The following ST6GALNAC3 variants were observed in gnomAD, a reference collection of about 807,000 sequenced individuals.
ST6GALNAC3 encodes alpha-N-acetylgalactosaminide alpha-2,6-sialyltransferase 3.
A neutral mutation model predicts 32.7 loss-of-function variants in ST6GALNAC3; 25 were observed. The ratio of observed to expected loss-of-function variants is 0.76; its 90% confidence interval spans 0.56 to 1.07. The LOEUF is 1.07. Among genes scored for constraint, ST6GALNAC3 ranks in the 50% least tolerant of loss-of-function variants. ST6GALNAC3 has a pLI of 0.00. For missense variants in ST6GALNAC3, 355 were observed against 382.4 expected (o/e 0.93, Z 0.60); for synonymous variants, 129 against 133.1 (o/e 0.97, Z 0.21).
chr1:76,154,063 A>C (rs1450890398), intron 1 of ST6GALNAC3, among the ~76,000 whole-genome samples: 1 of 152,192 alleles, frequency 6.6e-6, no homozygotes, highest in Non-Finnish European at 1.5e-5. Context: ...AACACTGATC[A>C]GGAGAGACAT....
intron 1 of ST6GALNAC3, among the ~76,000 whole-genome samples, chr1:76,156,821 T>C (rs1651465039): frequency 6.6e-6 from 1 of 152,180 alleles, no homozygotes; most frequent in Non-Finnish European, 1.5e-5. Context: ...AAGCTCCGCC[T>C]CCCGGGTTCA....
chr1:76,415,171 CTTTTTTTTTT>C (rs71072000), intron 3 of ST6GALNAC3, among the ~76,000 whole-genome samples: 1 of 70,462 alleles, frequency 1.4e-5, no homozygotes, highest in Non-Finnish European at 2.6e-5. Flanking sequence ...GGATTCATGT[CTTTTTTTTTT>C]TTTTTTTTTT....
At chr1:76,559,566 T>C (rs1413157658) in intron 3 of ST6GALNAC3, among the ~76,000 whole-genome samples, 1 of 152,150 alleles carries the variant, frequency 6.6e-6, no homozygotes, top group Non-Finnish European at 1.5e-5. Flanking sequence ...AAGGGTACCA[T>C]CAAGAAAATG....
intron 1 of ST6GALNAC3, among the ~76,000 whole-genome samples, chr1:76,180,877 G>A (rs12139114): frequency 0.2 from 29,891 of 152,102 alleles, 3,059 homozygotes; most frequent in African/African-American, 0.22. Context: ...GTGTGACCCG[G>A]TTCTTCCAGG....
chr1:76,412,822 C>T (rs1264753253), intron 3 of ST6GALNAC3, among the ~76,000 whole-genome samples: 1 of 152,018 alleles, frequency 6.6e-6, no homozygotes, highest in African/African-American at 2.4e-5. Flanking sequence ...CAAAATTTTA[C>T]CTGAGACCAC....
At chr1:76,345,081 C>T (rs1648385212) in intron 2 of ST6GALNAC3, among the ~76,000 whole-genome samples, 1 of 152,130 alleles carries the variant, frequency 6.6e-6, no homozygotes, top group Admixed American at 6.5e-5. Context: ...TGTTGATCCC[C>T]TAGCTGATTG....
chr1:76,321,464 T>C (rs536890108), intron 2 of ST6GALNAC3, among the ~76,000 whole-genome samples: 158 of 152,344 alleles, frequency 1.0e-3, no homozygotes, highest in Admixed American at 2.3e-3. Context: ...TTACTTTTGC[T>C]GGTTTGAACT....
intron 1 of ST6GALNAC3, among the ~76,000 whole-genome samples, chr1:76,215,995 A>G (rs761781599): frequency 2.6e-5 from 4 of 152,148 alleles, no homozygotes; most frequent in Non-Finnish European, 5.9e-5. Context: ...GGCAGATTCA[A>G]CTTCCAGAAG....
At chr1:76,273,452 G>A (rs553742977) in intron 1 of ST6GALNAC3, among the ~76,000 whole-genome samples, 43 of 152,136 alleles carry the variant, frequency 2.8e-4, no homozygotes, top group Non-Finnish European at 4.4e-4. Flanking sequence ...AAATCCCATG[G>A]CATCAAATAG....
intron 2 of ST6GALNAC3, among the ~76,000 whole-genome samples, chr1:76,399,441 G>A (rs537437390): frequency 6.6e-6 from 1 of 152,246 alleles, no homozygotes; most frequent in Non-Finnish European, 1.5e-5. Flanking sequence ...CCAGTACTCT[G>A]TTTGGCACTT....
intron 3 of ST6GALNAC3, among the ~76,000 whole-genome samples, chr1:76,621,805 G>A (rs1648668446): frequency 6.6e-6 from 1 of 151,992 alleles, no homozygotes; most frequent in Non-Finnish European, 1.5e-5. Flanking sequence ...TATTCTGTCA[G>A]GTATTTCTTC....
intron 1 of ST6GALNAC3, among the ~76,000 whole-genome samples, chr1:76,208,041 G>GC (rs5775330): frequency 0.36 from 19,279 of 53,754 alleles, 1,550 homozygotes; most frequent in South Asian, 0.48. Context: ...ACTCAAGAGT[G>GC]CCCCCCCCCC....
At chr1:76,621,818 C>T (rs191099925) in intron 3 of ST6GALNAC3, among the ~76,000 whole-genome samples, 3 of 152,088 alleles carry the variant, frequency 2.0e-5, no homozygotes, top group Admixed American at 1.3e-4. Context: ...ATTTCTTCTC[C>T]GTAGGAAGGT....
chr1:76,248,008 G>A (rs528920669), intron 1 of ST6GALNAC3, among the ~76,000 whole-genome samples: 2 of 152,098 alleles, frequency 1.3e-5, no homozygotes, highest in Admixed American at 6.5e-5. Flanking sequence ...TGGGAAAAGC[G>A]TAGTACCCAG....
At chr1:76,479,701 C>G (rs974643787) in intron 3 of ST6GALNAC3, among the ~76,000 whole-genome samples, 18 of 152,066 alleles carry the variant, frequency 1.2e-4, no homozygotes, top group African/African-American at 4.3e-4. Flanking sequence ...TTGTACTGCC[C>G]CTTAAAGGTC....
intron 3 of ST6GALNAC3, among the ~76,000 whole-genome samples, chr1:76,596,371 A>C (rs1647137312): frequency 6.6e-6 from 1 of 152,186 alleles, no homozygotes; most frequent in Non-Finnish European, 1.5e-5. Context: ...AAATAGCCTC[A>C]GCTTTTAACA....
chr1:76,110,662 A>C (rs908761783), intron 1 of ST6GALNAC3, among the ~76,000 whole-genome samples: 10 of 152,232 alleles, frequency 6.6e-5, no homozygotes, highest in Admixed American at 6.5e-4. Flanking sequence ...GTGTAGACAG[A>C]TTGCAAGTGT....
At chr1:76,512,828 G>C (rs574108830) in intron 3 of ST6GALNAC3, among the ~76,000 whole-genome samples, 3 of 151,238 alleles carry the variant, frequency 2.0e-5, no homozygotes, top group East Asian at 3.9e-4. Flanking sequence ...TTTTCTTTTC[G>C]ATAACAGCCA....
At chr1:76,599,876 C>T (rs1232237647) in intron 3 of ST6GALNAC3, among the ~76,000 whole-genome samples, 2 of 151,956 alleles carry the variant, frequency 1.3e-5, no homozygotes, top group African/African-American at 2.4e-5. Context: ...TCAGAATATA[C>T]AATTTTATAT....
Sources: allele counts gnomAD v4.1 joint callset (sites outside exome capture counted in the v4.1 genomes callset), GRCh38; gene constraint gnomAD v4.1.1; transcripts MANE v1.5; gene names NCBI Gene and HGNC (gene_info 2026-07-23, HGNC 2026-07-21).